SCN3B: variants seen among roughly 807,000 people sequenced by gnomAD.
SCN3B encodes sodium channel regulatory subunit beta-3.
SCN3B carries 11 observed loss-of-function variants against 25.4 expected under a neutral mutation model. That is an observed-to-expected ratio of 0.43 (90% CI 0.27 to 0.72). The LOEUF (loss-of-function observed/expected upper bound fraction) is 0.72. Ranked by LOEUF, SCN3B falls within the 30% of genes least tolerant of loss-of-function variation. The probability of loss-of-function intolerance (pLI) is 0.18; values close to 1 mark genes in which losing one functional copy is unlikely to be tolerated. For synonymous variants in SCN3B, 109 were observed against 110.7 expected, an observed-to-expected ratio of 0.99 and a Z score of 0.09; for missense variants, 218 against 278.3, an observed-to-expected ratio of 0.78 and a Z score of 1.54.
chr11:123,651,817 T>A (rs1008376933), intron 2 of SCN3B, among the ~76,000 whole-genome samples: 1 of 152,152 alleles, frequency 6.6e-6, no homozygotes, highest in Non-Finnish European at 1.5e-5. Flanking sequence ...TCTTCCAAAG[T>A]TTTTTGGGGT....
At chr11:123,646,445 G>A (rs560953389) in intron 2 of SCN3B, among the ~76,000 whole-genome samples, 1 of 152,214 alleles carries the variant, frequency 6.6e-6, no homozygotes, top group South Asian at 2.1e-4. Flanking sequence ...AAGTCGTGGA[G>A]AGATGTAATT....
chr11:123,649,642 TTTTC>T (rs1406618204), intron 2 of SCN3B, among the ~76,000 whole-genome samples: 4 of 151,670 alleles, frequency 2.6e-5, no homozygotes, highest in African/African-American at 9.7e-5. Context: ...TCTTTCTTTT[TTTTC>T]TTTCTTTCTC....
At chr11:123,637,446 G>A (rs1342470612) in intron 5 of SCN3B, among the ~76,000 whole-genome samples, 1 of 152,188 alleles carries the variant, frequency 6.6e-6, no homozygotes, top group African/African-American at 2.4e-5. Flanking sequence ...TACCATCTGT[G>A]TGCCTTGGTA....
At chr11:123,634,010 G>T in intron 6 of SCN3B, 111 bp downstream of exon 6, 1 of 815,796 alleles carries the variant, frequency 1.2e-6, no homozygotes, top group Non-Finnish European at 2.1e-6. Flanking sequence ...AGGCAGGGTA[G>T]ACAGTGACCT....
chr11:123,637,376 TAGAA>T (rs1405984575), intron 5 of SCN3B, among the ~76,000 whole-genome samples: 1 of 152,176 alleles, frequency 6.6e-6, no homozygotes, highest in African/African-American at 2.4e-5. Flanking sequence ...TTCAATGAGA[TAGAA>T]AGAGCATGGA....
chr11:123,652,903 C>T (rs1955943525), intron 2 of SCN3B, among the ~76,000 whole-genome samples: 1 of 152,204 alleles, frequency 6.6e-6, no homozygotes, highest in Admixed American at 6.5e-5. Context: ...CTCAATCACA[C>T]AATCAGACAT....
intron 3 of SCN3B, 72 bp downstream of exon 3, chr11:123,645,515 G>C: frequency 6.7e-7 from 1 of 1,497,786 alleles, no homozygotes; most frequent in African/African-American, 1.4e-5. Flanking sequence ...GGCATCCCCC[G>C]GACTGTCAGG....
chr11:123,633,136 T>C lies in SCN3B; in HGVS notation c.*663A>G, dbSNP rs1253491023. 6.6e-6 allele frequency: 1 copy of C among 152,240 alleles called. No homozygotes were observed. The highest frequency in any genetic ancestry group is 1.5e-5 in the Non-Finnish European group (1 of 68,050). The allele number at this position is 152,240 out of a possible 1,614,324, so 9.4% of individuals were successfully genotyped here. ...CCATTGGTCCTTCCCAAGTCTCCTG[T>C]CCTTGTCTTCTTGGAGGGAACCTTA... On this transcript the variant is annotated 3_prime_UTR_variant, in exon 7 of 7. Coordinates refer to ENST00000299333, the MANE Select transcript of SCN3B (RefSeq NM_001040151.2).
rs1266989054 is a variant in SCN3B, at chr11:123,633,368, C to T, written c.*431G>A. The T allele has an allele frequency of 6.6e-6, 1 of 152,582 alleles. No individual in the cohort carries two copies. Among genetic ancestry groups the T allele is most frequent in the African/African-American group, 2.4e-5 (1 of 41,464 alleles). The allele number at this position is 152,582 out of a possible 1,614,324, so 9.5% of individuals were successfully genotyped here. Reference sequence around the variant, plus strand: ...CTTTAACCCGAACTAATCACTCCTGCTTCCTTCTATTAAGACTTCCATTCT... The same window carrying T: ...CTTTAACCCGAACTAATCACTCCTGTTTCCTTCTATTAAGACTTCCATTCT... On this transcript the variant is annotated 3_prime_UTR_variant, in exon 7 of 7. Coordinates refer to ENST00000299333, the MANE Select transcript of SCN3B (RefSeq NM_001040151.2).
At chr11:123,644,706 G>A (rs1182652833) in intron 3 of SCN3B, among the ~76,000 whole-genome samples, 1 of 150,106 alleles carries the variant, frequency 6.7e-6, no homozygotes, top group Non-Finnish European at 1.5e-5. Context: ...GGGAGGTGGA[G>A]GTTACAGTAA....
chr11:123,645,140 C>T (rs1452340870), intron 3 of SCN3B, among the ~76,000 whole-genome samples: 1 of 152,166 alleles, frequency 6.6e-6, no homozygotes, highest in Non-Finnish European at 1.5e-5. Context: ...CCTTGGATCA[C>T]TCTTTGTCAT....
rs1955638374 is a variant in SCN3B at position 123,629,314 on chromosome 11, A to T, written c.*4485T>A. On this transcript the variant is annotated 3_prime_UTR_variant, in exon 7 of 7. Coordinates refer to ENST00000299333, the MANE Select transcript of SCN3B (RefSeq NM_001040151.2). ...CAGAGTTTGGATTGTGTTCGATGGCAGTTCACAAGCCTGCAAGCACTCGGC... is the reference window on the plus strand; with the variant it reads ...CAGAGTTTGGATTGTGTTCGATGGCTGTTCACAAGCCTGCAAGCACTCGGC... 1 of 152,232 alleles carries T rather than the reference A, an allele frequency of 6.6e-6. No homozygotes were observed. Among genetic ancestry groups the T allele is most frequent in the Non-Finnish European group, 1.5e-5 (1 of 68,042 alleles). 9.4% of individuals were successfully genotyped at this position (152,232 alleles called of 1,614,324 possible).
At chr11:123,646,332 A>G (rs1289172152) in intron 2 of SCN3B, among the ~76,000 whole-genome samples, 1 of 152,232 alleles carries the variant, frequency 6.6e-6, no homozygotes, top group African/African-American at 2.4e-5. Flanking sequence ...CCTGGGGAGA[A>G]AGGAAGAGAA....
chr11:123,653,931 A>G, intron 1 of SCN3B, 105 bp from the exon 2 acceptor site: 1 of 1,088,144 alleles, frequency 9.2e-7, no homozygotes, highest in Admixed American at 1.8e-5. Context: ...TGACCGAAGG[A>G]AGGGCCGAGC....
intron 2 of SCN3B, among the ~76,000 whole-genome samples, chr11:123,647,634 G>A (rs1260728664): frequency 6.6e-6 from 1 of 152,120 alleles, no homozygotes; most frequent in Non-Finnish European, 1.5e-5. Context: ...CTAGTCCACT[G>A]TTAATGGTCA....
In SCN3B at chr11:123,631,265, G is replaced by A. The variant is rs1273022057; in HGVS notation, c.*2534C>T. 6.6e-6 allele frequency: 1 copy of A among 151,936 alleles called. No individual in the cohort carries two copies. The highest frequency in any genetic ancestry group is 1.5e-5 in the Non-Finnish European group (1 of 67,994). 9.4% of individuals were successfully genotyped at this position (151,936 alleles called of 1,614,324 possible). On this transcript the variant is annotated 3_prime_UTR_variant, in exon 7 of 7. Transcript: ENST00000299333. ...GAAAAAGGCAATCATGCATACTGCC[G>A]GGTTCAACTTAGATACACGAGCTAT...
rs1404228744 is a variant in SCN3B at position 123,630,016 on chromosome 11, A to C, written c.*3783T>G. ...TGGATGGAATTTCTTTTTTGATCCA[A>C]TAATTTTGGGGAGAGAGGAGGGAGT... On this transcript the variant is annotated 3_prime_UTR_variant, in exon 7 of 7. Coordinates refer to ENST00000299333, the MANE Select transcript of SCN3B (RefSeq NM_001040151.2). The C allele has an allele frequency of 6.6e-6, 1 of 152,170 alleles. No homozygotes were observed. Among genetic ancestry groups the C allele is most frequent in the Non-Finnish European group, 1.5e-5 (1 of 68,034 alleles). 9.4% of individuals were successfully genotyped at this position (152,170 alleles called of 1,614,324 possible). A position where few individuals can be genotyped will look rare whatever the true frequency, so the allele number is the denominator to read the frequency against.
At chr11:123,652,842 T>C (rs1347160602) in intron 2 of SCN3B, among the ~76,000 whole-genome samples, 1 of 151,796 alleles carries the variant, frequency 6.6e-6, no homozygotes, top group Non-Finnish European at 1.5e-5. Flanking sequence ...ACACACATGC[T>C]AGTGCACACA....
Position 123,642,684 on chromosome 11 carries a change from GAGC to G in SCN3B, c.220-16_220-14del. 6.2e-7 allele frequency: 1 copy of G among 1,605,878 alleles called. No individual in the cohort carries two copies. Among genetic ancestry groups the G allele is most frequent in the African/African-American group, 1.3e-5 (1 of 74,892 alleles). ...GATACTCGTAAATCTGCAGATAGAG[GAGC>G]AGAAGAGGGTAGGGCCAGGAAAGGA... On this transcript the variant is annotated splice_polypyrimidine_tract_variant and intron_variant, in intron 3 of 6. Transcript: ENST00000299333. This position sits in a 1 kb window ranked among gnomAD's most constrained non-coding sequence, Gnocchi z 4.3.
Sources: allele counts gnomAD v4.1 joint callset (sites outside exome capture counted in the v4.1 genomes callset), GRCh38; gene constraint gnomAD v4.1.1; non-coding constraint Gnocchi (gnomAD v3.1); transcripts MANE v1.5; gene names NCBI Gene and HGNC (gene_info 2026-07-23, HGNC 2026-07-21).